The following KANSL1 variants were observed in gnomAD, a reference collection of about 807,000 sequenced individuals.
The protein encoded by KANSL1 is MLL1/MLL complex subunit KANSL1.
In KANSL1, 22 loss-of-function variants were observed where a neutral mutation model predicts 103.6. The ratio of observed to expected loss-of-function variants is 0.21; its 90% confidence interval spans 0.15 to 0.30. The LOEUF (loss-of-function observed/expected upper bound fraction) is 0.30. KANSL1 is among the 10% of genes least tolerant of loss of function. KANSL1 has a pLI of 1.00. For synonymous variants in KANSL1, 600 were observed against 527.6 expected, an observed-to-expected ratio of 1.14 and a Z score of -1.88; for missense variants, 1,337 against 1,399.8, an observed-to-expected ratio of 0.96 and a Z score of 0.72.
At chr17:46,096,291 T>C (rs1196595308) in intron 2 of KANSL1, among the ~76,000 whole-genome samples, 1 of 147,826 alleles carries the variant, frequency 6.8e-6, no homozygotes, top group Admixed American at 6.8e-5. Flanking sequence ...AGGAGCATAC[T>C]ACATACCTGG....
At chr17:46,155,078 A>G (rs1303602505) in intron 2 of KANSL1, among the ~76,000 whole-genome samples, 4 of 152,190 alleles carry the variant, frequency 2.6e-5, no homozygotes, top group Non-Finnish European at 4.4e-5. Flanking sequence ...CCTGGCATTC[A>G]GAAAAGTTGA....
chr17:46,068,080 A>G (rs1238348462), intron 4 of KANSL1, among the ~76,000 whole-genome samples: 1 of 152,224 alleles, frequency 6.6e-6, no homozygotes, highest in Non-Finnish European at 1.5e-5. Context: ...AAATGACCTC[A>G]ATAATTCTAT....
At chr17:46,091,277 G>A (rs982805466) in intron 3 of KANSL1, among the ~76,000 whole-genome samples, 1 of 152,140 alleles carries the variant, frequency 6.6e-6, no homozygotes, top group African/African-American at 2.4e-5. Flanking sequence ...GTAGAATAAG[G>A]TGTGAAGAAA....
At chr17:46,072,523 G>C (rs528307201) in intron 4 of KANSL1, among the ~76,000 whole-genome samples, 1 of 151,968 alleles carries the variant, frequency 6.6e-6, no homozygotes, top group East Asian at 1.9e-4. Context: ...TTGATTTCAT[G>C]TCTCAAGCCC....
At chr17:46,112,878 C>T (rs751074984) in intron 2 of KANSL1, among the ~76,000 whole-genome samples, 62 of 152,016 alleles carry the variant, frequency 4.1e-4, no homozygotes, top group Admixed American at 1.3e-3. Context: ...TGCGCCATCA[C>T]GCCGGGCTAA....
intron 6 of KANSL1, among the ~76,000 whole-genome samples, chr17:46,060,312 G>A (rs62060791): frequency 0.14 from 21,633 of 152,130 alleles, 2,097 homozygotes; most frequent in Non-Finnish European, 0.22. Context: ...GATTTTCAAA[G>A]GTTTGGCAAC....
chr17:46,099,037 C>A lies in KANSL1; in HGVS notation c.1290-4336G>T, dbSNP rs536057493. 4.7e-5 allele frequency among the ~76,000 whole-genome samples: 7 copies of A among 147,378 alleles called. 1 individual carries two copies. Among genetic ancestry groups the A allele is most frequent in the Non-Finnish European group, 7.7e-5 (5 of 64,616 alleles). On this transcript the variant is annotated intron_variant, in intron 2 of 14. Coordinates refer to ENST00000432791, the MANE Select transcript of KANSL1 (RefSeq NM_015443.4). ...CACATCTTTTGTTCCTTAACAAATA[C>A]AAGCGGCCGGGCGCGGTGGCTCACG...
At position 46,159,714 on chromosome 17, in the gene KANSL1, T is replaced by G. The variant is rs116191977; in HGVS notation, c.1289+11141A>C. On this transcript the variant is annotated intron_variant, in intron 2 of 14. Transcript: ENST00000432791. ...AAATACCTTCATAACTCAAAAGAGC[T>G]CCTTTTCCAGCAACTGGGGAAATAG... 8.9e-3 allele frequency among the ~76,000 whole-genome samples: 1,349 copies of G among 152,320 alleles called. 19 individuals carry two copies. Among genetic ancestry groups the G allele is most frequent in the African/African-American group, 0.031 (1,298 of 41,550 alleles).
intron 4 of KANSL1, among the ~76,000 whole-genome samples, chr17:46,077,478 A>G (rs914540629): frequency 6.6e-6 from 1 of 152,248 alleles, no homozygotes; most frequent in Non-Finnish European, 1.5e-5. Context: ...CAGCTCAGGA[A>G]TAAGGTCTTC....
Position 46,153,904 on chromosome 17 carries a change from A to G in KANSL1, c.1289+16951T>C, listed in dbSNP as rs371612503. Among the ~76,000 whole-genome samples, 25 of 152,350 alleles carry G rather than the reference A, an allele frequency of 1.6e-4. No homozygotes were observed. The East Asian group carries it at 4.4e-3, about 27-fold the overall frequency. On this transcript the variant is annotated intron_variant, in intron 2 of 14. Transcript: ENST00000432791. ...AACAGCACAACAGACTATTTCATGA[A>G]CACCAGATGCCTCGATATGTAAGGG...
intron 2 of KANSL1, among the ~76,000 whole-genome samples, chr17:46,132,860 T>C (rs1202952505): frequency 2.1e-5 from 3 of 142,198 alleles, no homozygotes; most frequent in Non-Finnish European, 3.3e-5. Context: ...GAAGGATCAC[T>C]TGAGCCTGGG....
At chr17:46,067,030 G>A (rs905497412) in intron 5 of KANSL1, among the ~76,000 whole-genome samples, 1 of 152,180 alleles carries the variant, frequency 6.6e-6, no homozygotes. Context: ...TCAAACACAC[G>A]AGTAAATAAA....
In KANSL1 at chr17:46,032,200, A is replaced by G; in HGVS notation, c.2937T>C (p.Ser979=). The G allele has an allele frequency of 6.2e-7, 1 of 1,606,968 alleles. No individual in the cohort carries two copies. The highest frequency in any genetic ancestry group is 8.5e-7 in the Non-Finnish European group (1 of 1,175,304). The part of the protein sequence containing the change: ...PASPDVSSSH[S]LSEYSHGQSP... ...ACTGACCATGGGAGTATTCTGACAA[A>G]GAGTGGCTACTGCTGACATCAGGGG... The change falls in exon 14 of 15, where the codon TCT becomes TCC. Residue 979 remains serine, a synonymous_variant. Transcript: ENST00000432791.
At chr17:46,031,838 C>A in intron 14 of KANSL1, 135 bp from the exon 15 acceptor site, 1 of 1,045,022 alleles carries the variant, frequency 9.6e-7, no homozygotes, top group Admixed American at 2.5e-5. Flanking sequence ...TCTGGGAACA[C>A]CCCTCCTAGG....
At chr17:46,144,678 A>AT (rs1363028917) in intron 2 of KANSL1, among the ~76,000 whole-genome samples, 1 of 129,016 alleles carries the variant, frequency 7.8e-6, no homozygotes. Flanking sequence ...ATACTACATA[A>AT]TAAAAAAAAA....
At chr17:46,199,749 G>A (rs978985509) in intron 1 of KANSL1, among the ~76,000 whole-genome samples, 5 of 152,232 alleles carry the variant, frequency 3.3e-5, no homozygotes, top group African/African-American at 9.7e-5. Context: ...TGTTAGTAAT[G>A]AGAACAATAC....
intron 1 of KANSL1, among the ~76,000 whole-genome samples, chr17:46,188,401 C>G (rs894107102): frequency 1.3e-5 from 2 of 152,228 alleles, no homozygotes; most frequent in African/African-American, 4.8e-5. Context: ...ATATACGCAA[C>G]TTATCAGCAT....
intron 4 of KANSL1, among the ~76,000 whole-genome samples, chr17:46,074,638 A>G (rs921452251): frequency 6.6e-6 from 1 of 152,092 alleles, no homozygotes; most frequent in Non-Finnish European, 1.5e-5. Context: ...ATGGTGGCAC[A>G]TGCCTGTGAT....
intron 2 of KANSL1, among the ~76,000 whole-genome samples, chr17:46,132,460 G>A (rs1358465525): frequency 6.6e-6 from 1 of 152,182 alleles, no homozygotes; most frequent in African/African-American, 2.4e-5. Flanking sequence ...ATAGTTCTCA[G>A]GGTGTAGTTA....
Sources: allele counts gnomAD v4.1 joint callset (sites outside exome capture counted in the v4.1 genomes callset), GRCh38; gene constraint gnomAD v4.1.1; transcripts MANE v1.5; gene names NCBI Gene and HGNC (gene_info 2026-07-23, HGNC 2026-07-21).